PTK2: variants seen among roughly 807,000 people sequenced by gnomAD.
PTK2 encodes focal adhesion kinase 1.
PTK2 carries 45 observed loss-of-function variants against 150.1 expected under a neutral mutation model. That is an observed-to-expected ratio of 0.30 (90% confidence interval 0.24 to 0.38). PTK2 has a LOEUF of 0.38. Ranked by LOEUF, PTK2 falls within the 10% of genes least tolerant of loss-of-function variation. The pLI is 1.00. For synonymous variants in PTK2, 432 were observed against 449.2 expected, an observed-to-expected ratio of 0.96 and a Z score of 0.48; for missense variants, 919 against 1,307.3, an observed-to-expected ratio of 0.70 and a Z score of 4.58.
intron 8 of PTK2, among the ~76,000 whole-genome samples, chr8:140,830,092 C>G (rs1210307144): frequency 6.6e-6 from 1 of 150,680 alleles, no homozygotes; most frequent in African/African-American, 2.4e-5. Context: ...CATACACACA[C>G]ACACACACAC....
chr8:140,806,113 A>G (rs1038225408), intron 10 of PTK2, among the ~76,000 whole-genome samples: 1 of 152,160 alleles, frequency 6.6e-6, no homozygotes, highest in Non-Finnish European at 1.5e-5. Context: ...TGCATCCTCG[A>G]CGGCTTTCAA....
In PTK2 at chr8:140,937,609, A is replaced by C. The variant is rs577460496; in HGVS notation, c.-121-11860T>G. 1.4e-3 allele frequency among the ~76,000 whole-genome samples: 217 copies of C among 152,118 alleles called. 1 individual carries two copies. The highest frequency in any genetic ancestry group is 5.0e-3 in the African/African-American group (209 of 41,540). On this transcript the variant is annotated intron_variant, in intron 1 of 31. Transcript: ENST00000522684. ...ATAAAAAAAAAAAAAACACAAAAAA[A>C]CAAATCTGATTTAATCTAACAAAAA...
chr8:140,988,009 C>T (rs2100193991), intron 1 of PTK2, among the ~76,000 whole-genome samples: 1 of 149,126 alleles, frequency 6.7e-6, no homozygotes, highest in Admixed American at 6.7e-5. Flanking sequence ...CACACCACTG[C>T]ACTCCAGCCT....
chr8:140,894,261 A>G (rs1350078033), intron 2 of PTK2, among the ~76,000 whole-genome samples: 1 of 152,188 alleles, frequency 6.6e-6, no homozygotes, highest in Non-Finnish European at 1.5e-5. Flanking sequence ...CTGGAAAAAA[A>G]GGGCCCTCAC....
intron 17 of PTK2, among the ~76,000 whole-genome samples, chr8:140,749,636 C>T (rs767085192): frequency 1.8e-4 from 28 of 152,184 alleles, no homozygotes; most frequent in Non-Finnish European, 3.4e-4. Context: ...AATGACAGAG[C>T]TGAATACTTG....
chr8:140,863,193 T>C (rs748718808), intron 5 of PTK2, among the ~76,000 whole-genome samples: 40 of 152,230 alleles, frequency 2.6e-4, no homozygotes, highest in Non-Finnish European at 2.2e-4. Context: ...CTTATTTTCA[T>C]ATTCTGTTTT....
At chr8:140,994,343 A>G (rs775072412) in intron 1 of PTK2, among the ~76,000 whole-genome samples, 1 of 152,246 alleles carries the variant, frequency 6.6e-6, no homozygotes, top group South Asian at 2.1e-4. Context: ...TTTACTAAAA[A>G]GTTTTTAAAA....
At chr8:140,947,912 A>T (rs1339410098) in intron 1 of PTK2, among the ~76,000 whole-genome samples, 1 of 152,186 alleles carries the variant, frequency 6.6e-6, no homozygotes, top group Non-Finnish European at 1.5e-5. Context: ...TAAAAATCCC[A>T]AGGGGCTATT....
intron 11 of PTK2, among the ~76,000 whole-genome samples, chr8:140,800,981 T>A (rs2100094708): frequency 6.6e-6 from 1 of 152,258 alleles, no homozygotes; most frequent in South Asian, 2.1e-4. Context: ...TAATTTCTAA[T>A]GTAAAAGAAA....
At chr8:140,752,457 G>A in intron 16 of PTK2, 141 bp from the exon 20 acceptor site, 1 of 675,402 alleles carries the variant, frequency 1.5e-6, no homozygotes, top group South Asian at 1.9e-5. Context: ...AAGAATGAGA[G>A]GGATACTTAA....
At chr8:140,952,601 A>G (rs2100179878) in intron 1 of PTK2, among the ~76,000 whole-genome samples, 1 of 152,206 alleles carries the variant, frequency 6.6e-6, no homozygotes, top group South Asian at 2.1e-4. Context: ...CTCCAAAAAC[A>G]CTTGCGAAAG....
intron 1 of PTK2, among the ~76,000 whole-genome samples, chr8:140,992,292 G>A (rs1233129060): frequency 2.0e-5 from 1 of 50,706 alleles, no homozygotes; most frequent in East Asian, 5.3e-4. Context: ...ACTTCATCTC[G>A]GAAAAAAAAA....
chr8:140,729,460 AAC>A, intron 22 of PTK2, among the ~76,000 whole-genome samples: 1 of 152,330 alleles, frequency 6.6e-6, no homozygotes, highest in South Asian at 2.1e-4. Flanking sequence ...AGCAAAATAC[AAC>A]ACACTCAAAA....
intron 17 of PTK2, among the ~76,000 whole-genome samples, chr8:140,748,593 G>A (rs1389046035): frequency 3.3e-5 from 5 of 151,838 alleles, no homozygotes; most frequent in Non-Finnish European, 5.9e-5. Flanking sequence ...CTTTGTTTAT[G>A]GTCCTGTACT....
At chr8:140,668,978 C>T (rs149943721) in intron 29 of PTK2, 2,109 of 153,422 alleles carry the variant, frequency 0.014, 30 homozygotes, top group Non-Finnish European at 0.022. Flanking sequence ...GTTTGCAGGT[C>T]GTGACTGAAG....
chr8:140,888,620 T>G (rs1264059159), intron 3 of PTK2, among the ~76,000 whole-genome samples: 1 of 152,240 alleles, frequency 6.6e-6, no homozygotes, highest in East Asian at 1.9e-4. Context: ...ACTAGGAAGT[T>G]TTTAACATTG....
intron 1 of PTK2, among the ~76,000 whole-genome samples, chr8:140,966,277 TAATG>T (rs747025719): frequency 6.6e-5 from 10 of 152,226 alleles, no homozygotes; most frequent in Non-Finnish European, 1.3e-4. Flanking sequence ...ATGAATGACT[TAATG>T]AATAAATGAA....
At chr8:140,757,273 T>C (rs984646036) in intron 16 of PTK2, among the ~76,000 whole-genome samples, 1 of 152,172 alleles carries the variant, frequency 6.6e-6, no homozygotes, top group African/African-American at 2.4e-5. Context: ...AGATCTAAAT[T>C]TGTCTGTTTG....
At chr8:140,694,203 G>A (rs2100025049) in intron 26 of PTK2, among the ~76,000 whole-genome samples, 2 of 151,936 alleles carry the variant, frequency 1.3e-5, no homozygotes, top group African/African-American at 4.8e-5. Flanking sequence ...ACTACGCCCA[G>A]CTAATTTTTT....
Sources: allele counts gnomAD v4.1 joint callset (sites outside exome capture counted in the v4.1 genomes callset), GRCh38; gene constraint gnomAD v4.1.1; transcripts MANE v1.5; gene names NCBI Gene and HGNC (gene_info 2026-07-23, HGNC 2026-07-21).